The following GRIK2 variants were observed in gnomAD, a reference collection of about 807,000 sequenced individuals.
GRIK2 encodes the protein glutamate receptor ionotropic, kainate 2.
GRIK2 carries 32 observed loss-of-function variants against 100.3 expected under a neutral mutation model. The observed-to-expected ratio is 0.32, with a 90% CI of 0.24 to 0.43. The LOEUF (loss-of-function observed/expected upper bound fraction) is 0.43, where lower values mean the gene tolerates loss of function less well. Among genes scored for constraint, GRIK2 ranks in the 20% least tolerant of loss-of-function variants. GRIK2 has a pLI of 1.00. For synonymous variants in GRIK2, 417 were observed against 389.4 expected (o/e 1.07, Z -0.83); for missense variants, 843 against 1,114.9 (o/e 0.76, Z 3.47).
intron 11 of GRIK2, among the ~76,000 whole-genome samples, chr6:101,866,353 C>A (rs1286151203): frequency 1.3e-5 from 2 of 152,254 alleles, no homozygotes; most frequent in African/African-American, 4.8e-5. Flanking sequence ...TCTTCCATAG[C>A]ACCTATGCAA....
At chr6:101,599,814 G>C (rs471128) in intron 2 of GRIK2, among the ~76,000 whole-genome samples, 1 of 151,376 alleles carries the variant, frequency 6.6e-6, no homozygotes, top group South Asian at 2.1e-4. Flanking sequence ...CTTAGTAAAA[G>C]GCATATTTTG....
intron 2 of GRIK2, among the ~76,000 whole-genome samples, chr6:101,602,389 T>C (rs760043822): frequency 1.8e-4 from 27 of 151,412 alleles, no homozygotes; most frequent in Admixed American, 1.5e-3. Context: ...TTTCATTGTA[T>C]ATATACAGTA....
Position 101,604,039 on chromosome 6 carries a change from TA to T in GRIK2, c.116-17904del, listed in dbSNP as rs546086622. 2.0e-3 allele frequency among the ~76,000 whole-genome samples: 300 copies of T among 151,712 alleles called. 1 individual carries two copies. The highest frequency in any genetic ancestry group is 3.5e-3 in the Non-Finnish European group (239 of 67,764). ...TTACTTTGATAATACTCATATAAAG[TA>T]AAAAAGTTTTGTCTTTATAACTTTT... On this transcript the variant is annotated intron_variant, in intron 2 of 16. Transcript: ENST00000369134.
At chr6:101,855,295 TTA>T (rs1784365973) in intron 10 of GRIK2, among the ~76,000 whole-genome samples, 1 of 152,170 alleles carries the variant, frequency 6.6e-6, no homozygotes, top group African/African-American at 2.4e-5. Context: ...ACTCATGGGT[TTA>T]TGTCATAATA....
At chr6:101,473,863 T>G (rs967747476) in intron 2 of GRIK2, among the ~76,000 whole-genome samples, 2 of 151,972 alleles carry the variant, frequency 1.3e-5, no homozygotes, top group Non-Finnish European at 1.5e-5. Flanking sequence ...GTTGCTTTTT[T>G]GTATTTTGTG....
At position 101,948,761 on chromosome 6, in the gene GRIK2, C is replaced by A. The variant is rs566706421; in HGVS notation, c.2085+20129C>A. On this transcript the variant is annotated intron_variant, in intron 14 of 16. Coordinates refer to ENST00000369134, the MANE Select transcript of GRIK2 (RefSeq NM_021956.5). ...AAGCGTTGGGATTACAGGGATGAGC[C>A]ACTGTGCCTGGCCTAAAAAGGGTTT... Among the ~76,000 whole-genome samples the A allele has an allele frequency of 2.7e-3, 406 of 151,890 alleles. 1 individual carries two copies. Among genetic ancestry groups the A allele is most frequent in the Admixed American group, 4.2e-3 (64 of 15,230 alleles).
At chr6:101,861,543 A>T (rs1014754659) in intron 11 of GRIK2, among the ~76,000 whole-genome samples, 2 of 152,186 alleles carry the variant, frequency 1.3e-5, no homozygotes, top group East Asian at 1.9e-4. Flanking sequence ...ATAGAGAAGC[A>T]TTAGTAGAGA....
intron 16 of GRIK2, among the ~76,000 whole-genome samples, chr6:102,064,363 C>CTTCTTTCT (rs140157701): frequency 3.5e-5 from 5 of 142,326 alleles, no homozygotes; most frequent in South Asian, 2.2e-4. Context: ...TCCTTCCTTC[C>CTTCTTTCT]TTCTTTCTTT....
chr6:101,987,011 C>T (rs998865334), intron 14 of GRIK2, among the ~76,000 whole-genome samples: 2 of 151,572 alleles, frequency 1.3e-5, no homozygotes, highest in African/African-American at 4.8e-5. Context: ...AGTCTGGTGG[C>T]ACGCAACTGT....
At position 101,770,460 on chromosome 6, in the gene GRIK2, C is replaced by A. The variant is rs111767925; in HGVS notation, c.952-29188C>A. ...TTGAATTAATTTCCTAAATGGCATACGATTCAGTGCAAAAAAATTGTTGTT... is the reference window on the plus strand; with the variant it reads ...TTGAATTAATTTCCTAAATGGCATAAGATTCAGTGCAAAAAAATTGTTGTT... On this transcript the variant is annotated intron_variant, in intron 7 of 16. Transcript: ENST00000369134. 9.9e-3 allele frequency among the ~76,000 whole-genome samples: 1,502 copies of A among 151,912 alleles called. 31 individuals are homozygous for A. The highest frequency in any genetic ancestry group is 0.034 in the African/African-American group (1,385 of 41,242).
intron 2 of GRIK2, among the ~76,000 whole-genome samples, chr6:101,486,798 A>G (rs1772858559): frequency 1.5e-5 from 2 of 133,586 alleles, no homozygotes; most frequent in South Asian, 4.6e-4. Flanking sequence ...ACTGTGAGGT[A>G]TTTTGATTTA....
intron 10 of GRIK2, among the ~76,000 whole-genome samples, chr6:101,824,678 A>G (rs140454461): frequency 4.1e-4 from 63 of 152,324 alleles, no homozygotes; most frequent in African/African-American, 1.5e-3. Flanking sequence ...TCAGAAAAGC[A>G]TTTATTGTCA....
intron 4 of GRIK2, among the ~76,000 whole-genome samples, chr6:101,627,398 T>C (rs1780515692): frequency 6.6e-6 from 1 of 152,118 alleles, no homozygotes; most frequent in Non-Finnish European, 1.5e-5. Context: ...TGCCTTGGCT[T>C]CCCAAACTGC....
At chr6:101,865,487 A>G (rs1784993692) in intron 11 of GRIK2, among the ~76,000 whole-genome samples, 1 of 152,226 alleles carries the variant, frequency 6.6e-6, no homozygotes, top group Admixed American at 6.5e-5. Flanking sequence ...AATCAAAAGC[A>G]GTTTATTCTA....
chr6:102,040,179 T>C (rs1428618515), intron 15 of GRIK2, among the ~76,000 whole-genome samples: 1 of 151,514 alleles, frequency 6.6e-6, no homozygotes, highest in Non-Finnish European at 1.5e-5. Flanking sequence ...AAAGATAAAG[T>C]GGACATATTT....
intron 2 of GRIK2, among the ~76,000 whole-genome samples, chr6:101,509,470 C>T (rs1273667967): frequency 1.3e-5 from 2 of 152,176 alleles, no homozygotes; most frequent in African/African-American, 4.8e-5. Context: ...CTCTCCAATT[C>T]AACTCATAGA....
intron 7 of GRIK2, among the ~76,000 whole-genome samples, chr6:101,763,628 A>G (rs920490141): frequency 6.6e-6 from 1 of 152,176 alleles, no homozygotes; most frequent in Non-Finnish European, 1.5e-5. Flanking sequence ...TTGTTCACTC[A>G]AGGTTTAAGA....
chr6:101,630,989 C>T (rs1006962810), intron 4 of GRIK2, among the ~76,000 whole-genome samples: 1 of 151,948 alleles, frequency 6.6e-6, no homozygotes, highest in African/African-American at 2.4e-5. Context: ...TTTGTTCCCA[C>T]CCCCAAAACA....
At chr6:101,809,743 G>A (rs907128192) in intron 9 of GRIK2, among the ~76,000 whole-genome samples, 2 of 152,006 alleles carry the variant, frequency 1.3e-5, no homozygotes, top group Non-Finnish European at 2.9e-5. Context: ...TTCCTGGGCA[G>A]GATCCAAGCC....
Sources: allele counts gnomAD v4.1 joint callset (sites outside exome capture counted in the v4.1 genomes callset), GRCh38; gene constraint gnomAD v4.1.1; transcripts MANE v1.5; gene names NCBI Gene and HGNC (gene_info 2026-07-23, HGNC 2026-07-21).